The following SH3BGRL2 variants were observed in gnomAD, a reference collection of about 807,000 sequenced individuals.
SH3BGRL2 encodes the protein SH3 domain binding glutamate rich protein like 2.
In SH3BGRL2, 21 loss-of-function variants were observed where a neutral mutation model predicts 14.8. The observed-to-expected ratio is 1.42, with a 90% CI of 1.01 to 2.05. The LOEUF is 2.05. SH3BGRL2 is among the 30% of genes most tolerant of loss of function. SH3BGRL2 has a pLI of 0.00. For missense variants in SH3BGRL2, 147 were observed against 130.8 expected, an observed-to-expected ratio of 1.12 and a Z score of -0.61; for synonymous variants, 50 against 47.8, an observed-to-expected ratio of 1.05 and a Z score of -0.19.
At chr6:79,678,713 A>G (rs1769931943) in intron 2 of SH3BGRL2, among the ~76,000 whole-genome samples, 1 of 152,126 alleles carries the variant, frequency 6.6e-6, no homozygotes, top group South Asian at 2.1e-4. Flanking sequence ...ACATGGGTAT[A>G]TTGCACTGGG....
At chr6:79,650,990 C>A (rs1486519142) in intron 1 of SH3BGRL2, among the ~76,000 whole-genome samples, 1 of 150,734 alleles carries the variant, frequency 6.6e-6, no homozygotes, top group Admixed American at 6.6e-5. Context: ...TTCTGGAAAT[C>A]ATCCTGTTCT....
the SH3BGRL2 span, among the ~76,000 whole-genome samples, chr6:79,553,958 ACT>A: frequency 6.9e-6 from 1 of 144,670 alleles, no homozygotes; most frequent in Admixed American, 7.0e-5. Context: ...ACAGGGCGAG[ACT>A]CTGTCTCAAA....
the SH3BGRL2 span, among the ~76,000 whole-genome samples, chr6:79,612,909 G>A: frequency 6.6e-6 from 1 of 152,226 alleles, no homozygotes; most frequent in Non-Finnish European, 1.5e-5. Context: ...AGCAGGCACT[G>A]CCCAATCTCA....
intron 2 of SH3BGRL2, among the ~76,000 whole-genome samples, chr6:79,694,923 G>C (rs554576604): frequency 6.6e-6 from 1 of 151,558 alleles, no homozygotes; most frequent in African/African-American, 2.4e-5. Context: ...GCCATTCTCC[G>C]CACAGTTATT....
chr6:79,633,014 G>C (rs768029259), intron 1 of SH3BGRL2, among the ~76,000 whole-genome samples: 2 of 152,174 alleles, frequency 1.3e-5, no homozygotes, highest in South Asian at 2.1e-4. Flanking sequence ...GGAGCAAGTC[G>C]GACCAAGTCA....
chr6:79,607,881 G>T, the SH3BGRL2 span, among the ~76,000 whole-genome samples: 1 of 152,100 alleles, frequency 6.6e-6, no homozygotes, highest in African/African-American at 2.4e-5. Context: ...AAGAGACAGA[G>T]GTTACAGTGA....
the SH3BGRL2 span, among the ~76,000 whole-genome samples, chr6:79,538,592 T>C: frequency 9.4e-4 from 143 of 152,364 alleles, 1 homozygote; most frequent in Admixed American, 5.7e-3. Flanking sequence ...CTGCTGACAC[T>C]GTTAAAATAG....
At chr6:79,685,049 T>G (rs929814035) in intron 2 of SH3BGRL2, among the ~76,000 whole-genome samples, 2 of 152,246 alleles carry the variant, frequency 1.3e-5, no homozygotes, top group Admixed American at 6.5e-5. Context: ...GTTTTATCTT[T>G]TCAGTATAAC....
chr6:79,669,904 C>T (rs1240407883), intron 1 of SH3BGRL2, among the ~76,000 whole-genome samples: 2 of 152,138 alleles, frequency 1.3e-5, no homozygotes, highest in African/African-American at 4.8e-5. Flanking sequence ...CAAAGGAGGG[C>T]TCACTGAGAA....
At chr6:79,648,187 G>C (rs2127725492) in intron 1 of SH3BGRL2, among the ~76,000 whole-genome samples, 1 of 142,988 alleles carries the variant, frequency 7.0e-6, no homozygotes, top group East Asian at 2.1e-4. Flanking sequence ...TTTTGGTCTG[G>C]CATTTTGGGC....
the SH3BGRL2 span, chr6:79,561,433 C>CT: frequency 6.6e-6 from 1 of 152,016 alleles, no homozygotes; most frequent in Non-Finnish European, 1.5e-5. Flanking sequence ...CATCAATTGA[C>CT]TATCACAATT....
intron 2 of SH3BGRL2, among the ~76,000 whole-genome samples, chr6:79,692,670 T>C (rs1276745092): frequency 6.6e-6 from 1 of 152,218 alleles, no homozygotes; most frequent in Non-Finnish European, 1.5e-5. Flanking sequence ...TGGTTGTAGA[T>C]ATGTGGCATT....
At chr6:79,674,111 T>TATGG (rs58704609) in intron 2 of SH3BGRL2, among the ~76,000 whole-genome samples, 1 of 152,112 alleles carries the variant, frequency 6.6e-6, no homozygotes, top group Non-Finnish European at 1.5e-5. Context: ...TGTATGTATG[T>TATGG]GTGTATTATG....
At chr6:79,613,690 C>T in the SH3BGRL2 span, among the ~76,000 whole-genome samples, 3 of 152,248 alleles carry the variant, frequency 2.0e-5, no homozygotes, top group East Asian at 5.8e-4. Flanking sequence ...ACTGCAACCT[C>T]CATCTCCTGT....
chr6:79,624,872 G>A, the SH3BGRL2 span, among the ~76,000 whole-genome samples: 14 of 152,076 alleles, frequency 9.2e-5, no homozygotes, highest in African/African-American at 3.4e-4. Context: ...AATGTGAACT[G>A]ATTCAAGAAT....
chr6:79,599,699 G>T, the SH3BGRL2 span, among the ~76,000 whole-genome samples: 4 of 152,174 alleles, frequency 2.6e-5, no homozygotes, highest in Non-Finnish European at 4.4e-5. Context: ...AATTGGCTAG[G>T]ACGGGGCAGA....
chr6:79,631,683 G>A (rs1235711543), intron 1 of SH3BGRL2, among the ~76,000 whole-genome samples, 177 bp downstream of exon 1: 2 of 152,154 alleles, frequency 1.3e-5, no homozygotes, highest in Non-Finnish European at 2.9e-5. Context: ...AGGAAAGGTG[G>A]GTGGGGGACC....
intron 2 of SH3BGRL2, among the ~76,000 whole-genome samples, chr6:79,688,326 C>G (rs1770143258): frequency 6.6e-6 from 1 of 151,982 alleles, no homozygotes; most frequent in African/African-American, 2.4e-5. Flanking sequence ...CTATACAGTT[C>G]AGAGATTTTT....
At chr6:79,574,332 C>T in the SH3BGRL2 span, 1 of 152,208 alleles carries the variant, frequency 6.6e-6, no homozygotes, top group Admixed American at 6.5e-5. Flanking sequence ...TTTGCAGATT[C>T]TCTGGTGCCT....
Sources: gnomAD v4.1 joint callset for allele counts (sites outside exome capture counted in the v4.1 genomes callset) on GRCh38, gnomAD v4.1.1 for gene constraint, MANE v1.5 for transcripts, NCBI Gene and HGNC (gene_info 2026-07-23, HGNC 2026-07-21) for gene names.